Variants in MFHAS1 observed in about 807,000 individuals in gnomAD.
MFHAS1 encodes malignant fibrous histiocytoma-amplified sequence 1.
MFHAS1 carries 50 observed loss-of-function variants against 70.4 expected under a neutral mutation model. That is an observed-to-expected ratio of 0.71 (90% CI 0.57 to 0.90). The LOEUF is 0.90. Among genes scored for constraint, MFHAS1 ranks in the 40% least tolerant of loss-of-function variants. The probability of loss-of-function intolerance (pLI) is 0.00; values close to 1 mark genes in which losing one functional copy is unlikely to be tolerated. For missense variants in MFHAS1, 1,795 were observed against 1,347.6 expected (o/e 1.33, Z -5.20); for synonymous variants, 952 against 620.0 (o/e 1.54, Z -7.96).
intron 1 of MFHAS1, among the ~76,000 whole-genome samples, chr8:8,834,776 A>G (rs1807536809): frequency 6.6e-6 from 1 of 152,192 alleles, no homozygotes; most frequent in South Asian, 2.1e-4. Context: ...CCTCCAAAAC[A>G]TTATGCTAAG....
chr8:8,797,472 G>C lies in MFHAS1; in HGVS notation c.3018C>G (p.Pro1006=), dbSNP rs141053249. The C allele has an allele frequency of 6.2e-6, 10 of 1,613,820 alleles. No individual in the cohort carries two copies. Among genetic ancestry groups the C allele is most frequent in the Non-Finnish European group, 7.6e-6 (9 of 1,179,900 alleles). The change falls in exon 2 of 3, where the codon CCC becomes CCG. Residue 1006 remains proline, a synonymous_variant. Coordinates refer to ENST00000276282, the MANE Select transcript of MFHAS1 (RefSeq NM_004225.3). ...HAFPGELLSQ[P]RPEGVAEIIC... is the part of the protein sequence containing the mutation. ...TGATCTCTGCCACTCCTTCCGGTCT[G>C]GGCTGACTCAGCAACTCCCCTGTAG...
chr8:8,846,685 C>G (rs1486228253), intron 1 of MFHAS1, among the ~76,000 whole-genome samples: 3 of 152,086 alleles, frequency 2.0e-5, no homozygotes, highest in African/African-American at 4.8e-5. Flanking sequence ...GTCTCGGGGC[C>G]TCTGCACTTG....
intron 2 of MFHAS1, among the ~76,000 whole-genome samples, chr8:8,787,085 A>ATTAT (rs1554473665): frequency 1.6e-5 from 2 of 128,014 alleles, no homozygotes; most frequent in African/African-American, 6.1e-5. Flanking sequence ...TATTATTATT[A>ATTAT]TTTTTTTTTT....
chr8:8,838,747 G>C lies in MFHAS1; in HGVS notation c.2999-41256C>G, dbSNP rs554540467. Among the ~76,000 whole-genome samples the C allele has an allele frequency of 6.6e-5, 10 of 151,426 alleles. No individual in the cohort carries two copies. The South Asian group carries it at 2.1e-3, about 32-fold the overall frequency. On this transcript the variant is annotated intron_variant, in intron 1 of 2. Coordinates refer to ENST00000276282, the MANE Select transcript of MFHAS1 (RefSeq NM_004225.3). ...AGAATCGGTTGAACTGGGAGGCAGA[G>C]GTTGTAGTGAGTCGAGACTGCACCA...
chr8:8,842,317 C>G (rs565234393), intron 1 of MFHAS1, among the ~76,000 whole-genome samples: 2 of 152,210 alleles, frequency 1.3e-5, no homozygotes, highest in East Asian at 1.9e-4. Flanking sequence ...TCCTGAGTAG[C>G]TAGGATTACA....
chr8:8,853,984 C>G (rs971135297), intron 1 of MFHAS1, among the ~76,000 whole-genome samples: 1 of 152,214 alleles, frequency 6.6e-6, no homozygotes. Context: ...AAGACACCAA[C>G]CAACTCCATG....
At chr8:8,845,366 A>T (rs966341535) in intron 1 of MFHAS1, among the ~76,000 whole-genome samples, 3 of 152,232 alleles carry the variant, frequency 2.0e-5, no homozygotes, top group African/African-American at 4.8e-5. Context: ...AGAAAATCAT[A>T]TTCCTTTTCA....
intron 1 of MFHAS1, among the ~76,000 whole-genome samples, chr8:8,875,391 T>C (rs549329051): frequency 2.4e-4 from 36 of 152,344 alleles, no homozygotes; most frequent in African/African-American, 8.4e-4. Flanking sequence ...TTTTAATTAC[T>C]GTATAAATAC....
intron 1 of MFHAS1, among the ~76,000 whole-genome samples, chr8:8,866,128 G>A (rs1031016487): frequency 2.6e-5 from 4 of 152,144 alleles, no homozygotes; most frequent in African/African-American, 7.2e-5. Context: ...TAAGCAGGAA[G>A]AATACAGAAG....
At chr8:8,842,986 C>T (rs1807888271) in intron 1 of MFHAS1, among the ~76,000 whole-genome samples, 1 of 152,126 alleles carries the variant, frequency 6.6e-6, no homozygotes. Context: ...GCGAAAGAGG[C>T]CGGGCGCGGT....
intron 1 of MFHAS1, among the ~76,000 whole-genome samples, chr8:8,879,166 C>A (rs892526545): frequency 6.6e-6 from 1 of 151,980 alleles, no homozygotes; most frequent in African/African-American, 2.4e-5. Context: ...CTGGCCAACA[C>A]GATGAAACCC....
chr8:8,870,290 C>CAAAAAAAAAA (rs61229252), intron 1 of MFHAS1, among the ~76,000 whole-genome samples: 1 of 113,116 alleles, frequency 8.8e-6, no homozygotes, highest in Non-Finnish European at 1.9e-5. Context: ...CCTGTCTCTA[C>CAAAAAAAAAA]AAAAAAAAAA....
At chr8:8,875,164 T>C (rs146830004) in intron 1 of MFHAS1, among the ~76,000 whole-genome samples, 2 of 152,246 alleles carry the variant, frequency 1.3e-5, no homozygotes, top group East Asian at 1.9e-4. Flanking sequence ...TAAACGTGCA[T>C]TGAGATTTAA....
intron 1 of MFHAS1, among the ~76,000 whole-genome samples, chr8:8,888,621 A>G (rs1485277222): frequency 6.6e-6 from 1 of 152,248 alleles, no homozygotes; most frequent in Non-Finnish European, 1.5e-5. Flanking sequence ...CCAATTAACC[A>G]GGCTCAAAAG....
chr8:8,816,064 G>A (rs1476522189), intron 1 of MFHAS1, among the ~76,000 whole-genome samples: 1 of 152,166 alleles, frequency 6.6e-6, no homozygotes, highest in Non-Finnish European at 1.5e-5. Flanking sequence ...AAAACAGAGT[G>A]CATAGTGGAT....
intron 1 of MFHAS1, among the ~76,000 whole-genome samples, chr8:8,814,276 T>C (rs572778122): frequency 1.3e-5 from 2 of 152,300 alleles, no homozygotes; most frequent in African/African-American, 2.4e-5. Context: ...GATTGTACCT[T>C]TTCTAAGGTT....
chr8:8,795,856 C>A (rs1805874376), intron 2 of MFHAS1, among the ~76,000 whole-genome samples: 1 of 152,196 alleles, frequency 6.6e-6, no homozygotes, highest in African/African-American at 2.4e-5. Flanking sequence ...TCCCTAAAAA[C>A]AGGCTTAGAT....
chr8:8,892,579 C>T lies in MFHAS1; in HGVS notation c.480G>A (p.Leu160=). 1 of 1,607,706 alleles carries T rather than the reference C, an allele frequency of 6.2e-7. No homozygotes were observed. Among genetic ancestry groups the T allele is most frequent in the Non-Finnish European group, 8.5e-7 (1 of 1,177,688 alleles). The change falls in exon 1 of 3, where the codon CTG becomes CTA. Residue 160 remains leucine (L), a synonymous_variant. Coordinates refer to ENST00000276282, the MANE Select transcript of MFHAS1 (RefSeq NM_004225.3). This position sits in a 1 kb window ranked among gnomAD's most constrained non-coding sequence, Gnocchi z 4.7. Reference sequence around the variant, plus strand: ...GGTTAAAGCTGACATCCAGCTCCTCCAGGTGAGCGAGAGCGCCCAGCTGGG... The same window carrying T: ...GGTTAAAGCTGACATCCAGCTCCTCTAGGTGAGCGAGAGCGCCCAGCTGGG... ...LPAQLGALAH[L]EELDVSFNRL...
intron 1 of MFHAS1, among the ~76,000 whole-genome samples, chr8:8,825,545 T>C (rs1246331825): frequency 6.6e-6 from 1 of 152,150 alleles, no homozygotes; most frequent in Non-Finnish European, 1.5e-5. Flanking sequence ...AGGGTTGGTT[T>C]CTTCTGAGGC....
Sources: gnomAD v4.1 joint callset for allele counts (sites outside exome capture counted in the v4.1 genomes callset) on GRCh38, gnomAD v4.1.1 for gene constraint, Gnocchi (gnomAD v3.1) non-coding constraint, MANE v1.5 for transcripts, NCBI Gene and HGNC (gene_info 2026-07-23, HGNC 2026-07-21) for gene names.